SMIM24: variants seen among roughly 807,000 people sequenced by gnomAD.
SMIM24 encodes MAP17-related dimer.
A neutral mutation model predicts 10.8 loss-of-function variants in SMIM24; 6 were observed. That is an observed-to-expected ratio of 0.55 (90% CI 0.30 to 1.09). The LOEUF (loss-of-function observed/expected upper bound fraction) is 1.09. SMIM24 is among the 50% of genes least tolerant of loss of function. The pLI is 0.06. For missense variants in SMIM24, 151 were observed against 153.4 expected (o/e 0.98, Z 0.08); for synonymous variants, 71 against 62.4 (o/e 1.14, Z -0.65).
chr19:3,477,742 T>A (rs1456342788), intron 3 of SMIM24, among the ~76,000 whole-genome samples: 1 of 110,654 alleles, frequency 9.0e-6, no homozygotes, highest in African/African-American at 3.5e-5. Context: ...AGTGGGTGAA[T>A]GGGTGAGTGG....
chr19:3,477,686 T>G (rs1323540219), intron 3 of SMIM24, among the ~76,000 whole-genome samples: 1 of 78,262 alleles, frequency 1.3e-5, no homozygotes, highest in Non-Finnish European at 2.5e-5. Flanking sequence ...GATGGATGGA[T>G]GGATGGTGGG....
chr19:3,476,755 T>C (rs939689899), intron 3 of SMIM24, among the ~76,000 whole-genome samples: 2 of 151,784 alleles, frequency 1.3e-5, no homozygotes, highest in African/African-American at 2.4e-5. Flanking sequence ...GATGGATGGA[T>C]GGATGGATGG....
chr19:3,477,714 G>T (rs2082799782), intron 3 of SMIM24, among the ~76,000 whole-genome samples: 1 of 143,344 alleles, frequency 7.0e-6, no homozygotes, highest in Non-Finnish European at 1.5e-5. Flanking sequence ...TGGATGGTGG[G>T]TGATGGATGG....
In SMIM24 at chr19:3,480,345, C is replaced by T. The variant is rs184425863; in HGVS notation, c.67+52G>A. ...ATGGAAAATTGGGAGATGGTGATCA[C>T]CTGACCAACTCCCCTATCCCGCGAC... On this transcript the variant is annotated intron_variant, in intron 1 of 3. Transcript: ENST00000215531. 1.0e-3 allele frequency: 1,484 copies of T among 1,420,644 alleles called. 4 individuals are homozygous for T. The highest frequency in any genetic ancestry group is 1.8e-3 in the Middle Eastern group (10 of 5,436). 88.0% of individuals were successfully genotyped at this position (1,420,644 alleles called of 1,614,324 possible). A position where few individuals can be genotyped will look rare whatever the true frequency, so the allele number is the denominator to read the frequency against.
At chr19:3,480,274 C>T in intron 1 of SMIM24, 123 bp downstream of exon 1, 3 of 1,055,806 alleles carry the variant, frequency 2.8e-6, no homozygotes, top group Non-Finnish European at 4.1e-6. Flanking sequence ...GAAGGGCCTC[C>T]AAGCCACTCT....
chr19:3,478,948 G>T lies in SMIM24; in HGVS notation c.68-19C>A. ...TCCGTGGCTGCAGGAAGTTGGGGAG[G>T]TTCGACTCAGAGGAAGAAAAGGTCA... On this transcript the variant is annotated intron_variant, in intron 1 of 3. Transcript: ENST00000215531. 4.5e-6 allele frequency: 7 copies of T among 1,543,384 alleles called. No homozygotes were observed. The highest frequency in any genetic ancestry group is 5.3e-6 in the Non-Finnish European group (6 of 1,141,202).
At position 3,478,800 on chromosome 19, in the gene SMIM24, G is replaced by C; in HGVS notation, c.179+18C>G. ...GGGGCAGGGCTGTGGGGGCAGCGGG[G>C]TGGGGGCGGGCACCCACCTGGCCTT... On this transcript the variant is annotated intron_variant, in intron 2 of 3. Transcript: ENST00000215531. 1 of 1,531,104 alleles carries C rather than the reference G, an allele frequency of 6.5e-7. No individual in the cohort carries two copies. The highest frequency in any genetic ancestry group is 1.2e-5 in the South Asian group (1 of 83,336). The allele number at this position is 1,531,104 out of a possible 1,614,324, so 94.8% of individuals were successfully genotyped here.
chr19:3,478,667 G>C, intron 2 of SMIM24, 151 bp downstream of exon 2: 1 of 834,172 alleles, frequency 1.2e-6, no homozygotes, highest in Non-Finnish European at 1.8e-6. Flanking sequence ...GCAAGCCCGG[G>C]ATCTGGGCTC....
intron 3 of SMIM24, 21 bp downstream of exon 3, chr19:3,478,398 C>CA: frequency 6.5e-7 from 1 of 1,546,378 alleles, no homozygotes; most frequent in South Asian, 1.2e-5. Context: ...CACAGACCCC[C>CA]AGCATCCGCA....
chr19:3,476,056 G>A (rs2082790958), intron 3 of SMIM24, among the ~76,000 whole-genome samples: 1 of 152,168 alleles, frequency 6.6e-6, no homozygotes. Context: ...AGAATGGGTG[G>A]ATGGGAGTAT....
At chr19:3,479,407 T>TG (rs888769268) in intron 1 of SMIM24, among the ~76,000 whole-genome samples, 1 of 54,620 alleles carries the variant, frequency 1.8e-5, no homozygotes, top group African/African-American at 7.5e-5. Flanking sequence ...AAGAAGAGTC[T>TG]GGGGGGTTGG....
Position 3,474,748 on chromosome 19 carries a change from G to A in SMIM24, c.*95C>T. On this transcript the variant is annotated 3_prime_UTR_variant, in exon 4 of 4. Coordinates refer to ENST00000215531, the MANE Select transcript of SMIM24 (RefSeq NM_001136503.2). ...GAACACTGTATTCTGAATCCCAGATGGAGTCATTTCACGGGCTTCAAGTCC... is the reference window on the plus strand; with the variant it reads ...GAACACTGTATTCTGAATCCCAGATAGAGTCATTTCACGGGCTTCAAGTCC... The A allele has an allele frequency of 7.1e-7, 1 of 1,410,406 alleles. No individual in the cohort carries two copies. The highest frequency in any genetic ancestry group is 1.4e-5 in the South Asian group (1 of 70,438). 87.4% of individuals were successfully genotyped at this position (1,410,406 alleles called of 1,614,324 possible). A position where few individuals can be genotyped will look rare whatever the true frequency, so the allele number is the denominator to read the frequency against.
intron 2 of SMIM24, 106 bp from the exon 3 acceptor site, chr19:3,478,584 C>T (rs1405934914): frequency 1.1e-5 from 13 of 1,134,070 alleles, no homozygotes; most frequent in Admixed American, 2.7e-5. Flanking sequence ...ACCTCCCAGC[C>T]GGGGCTCATG....
At chr19:3,478,756 G>C in intron 2 of SMIM24, 62 bp downstream of exon 2, 2 of 1,324,000 alleles carry the variant, frequency 1.5e-6, no homozygotes, top group Non-Finnish European at 2.1e-6. Flanking sequence ...TACCAGAGAG[G>C]GTTGGGAAGC....
In SMIM24 at chr19:3,478,886, C is replaced by A. The variant is rs369446312; in HGVS notation, c.111G>T (p.Ala37=). 1.3e-6 allele frequency: 2 copies of A among 1,549,944 alleles called. No homozygotes were observed. Among genetic ancestry groups the A allele is most frequent in the African/African-American group, 2.7e-5 (2 of 73,106 alleles). The change falls in exon 2 of 4, where the codon GCG becomes GCT. Residue 37 remains alanine (A), a synonymous_variant. Transcript: ENST00000215531. ...RLKPWLVGLA[A]VVGFLFIVYL... ...AGACGATGAACAGGAAGCCGACTAC[C>A]GCAGCCAGGCCCACCAGCCACGGCT...
rs776308692 is a variant in SMIM24, at chr19:3,474,865, C to T, written c.371G>A (p.Arg124Lys). ...TCTTCACATGACTGTGCTCTTTGCT[C>T]TCTCATGGTCTCCGGGCTCTTTTTC... Reference protein sequence around the residue: ...LEEKEPGDHERAKSTVM With the variant: ...LEEKEPGDHEKAKSTVM The change falls in exon 4 of 4, where the codon AGA becomes AAA. Residue 124 changes from arginine to lysine, a missense_variant. Coordinates refer to ENST00000215531, the MANE Select transcript of SMIM24 (RefSeq NM_001136503.2). The T allele has an allele frequency of 1.3e-6, 2 of 1,551,534 alleles. No homozygotes were observed. Among genetic ancestry groups the T allele is most frequent in the South Asian group, 2.4e-5 (2 of 84,050 alleles).
At position 3,474,697 on chromosome 19, in the gene SMIM24, G is replaced by T; in HGVS notation, c.*146C>A. 9.8e-7 allele frequency: 1 copy of T among 1,023,394 alleles called. No individual in the cohort carries two copies. Among genetic ancestry groups the T allele is most frequent in the Non-Finnish European group, 1.4e-6 (1 of 733,052 alleles). 63.4% of individuals were successfully genotyped at this position (1,023,394 alleles called of 1,614,324 possible). A position where few individuals can be genotyped will look rare whatever the true frequency, so the allele number is the denominator to read the frequency against. Reference sequence around the variant, plus strand: ...GAGAGCCCCCAATGAGGGAGGTGGGGTGGGTTCCAAGCCTTCTTCACTTGA... The same window carrying T: ...GAGAGCCCCCAATGAGGGAGGTGGGTTGGGTTCCAAGCCTTCTTCACTTGA... On this transcript the variant is annotated 3_prime_UTR_variant, in exon 4 of 4. Coordinates refer to ENST00000215531, the MANE Select transcript of SMIM24 (RefSeq NM_001136503.2).
rs1177341626 is a variant in SMIM24 at position 3,478,821 on chromosome 19, G to A, written c.176C>T (p.Ala59Val). Reference protein sequence around the residue: ...LLANRLWCSKARAEDEEETTF... With the variant: ...LLANRLWCSKVRAEDEEETTF... Reference sequence around the variant, plus strand: ...CGGGGTGGGGGCGGGCACCCACCTGGCCTTGGAACACCAGAGGCGGTTGGC... The same window carrying A: ...CGGGGTGGGGGCGGGCACCCACCTGACCTTGGAACACCAGAGGCGGTTGGC... The change falls in exon 2 of 4, where the codon GCC (alanine) becomes GTC (valine). Residue 59 changes from alanine (A) to valine (V), a missense_variant. Transcript: ENST00000215531. 6.5e-7 allele frequency: 1 copy of A among 1,548,766 alleles called. No individual in the cohort carries two copies. Among genetic ancestry groups the A allele is most frequent in the Non-Finnish European group, 8.7e-7 (1 of 1,146,232 alleles).
intron 2 of SMIM24, 80 bp downstream of exon 2, chr19:3,478,738 G>A: frequency 8.8e-7 from 1 of 1,142,392 alleles, no homozygotes; most frequent in South Asian, 1.4e-5. Context: ...TGAGGCTGGT[G>A]ATGGGGGTAC....
Sources: gnomAD v4.1 joint callset for allele counts (sites outside exome capture counted in the v4.1 genomes callset) on GRCh38, gnomAD v4.1.1 for gene constraint, MANE v1.5 for transcripts, NCBI Gene and HGNC (gene_info 2026-07-23, HGNC 2026-07-21) for gene names.